DDAH1: variants seen among roughly 807,000 people sequenced by gnomAD.
DDAH1 encodes N(G),N(G)-dimethylarginine dimethylaminohydrolase 1.
Under a neutral mutation model 28.8 loss-of-function variants are expected in DDAH1, and 19 were observed. The ratio of observed to expected loss-of-function variants is 0.66; its 90% CI spans 0.46 to 0.97. DDAH1 has a LOEUF of 0.97. Among genes scored for constraint, DDAH1 ranks in the 50% least tolerant of loss-of-function variants. The pLI, the probability that DDAH1 is intolerant of heterozygous loss-of-function variation, is 0.00. For missense variants in DDAH1, 326 were observed against 375.9 expected, an observed-to-expected ratio of 0.87 and a Z score of 1.10; for synonymous variants, 153 against 154.4, an observed-to-expected ratio of 0.99 and a Z score of 0.07.
At position 85,533,880 on chromosome 1, in the gene DDAH1, T is replaced by C. The variant is rs1658176270; in HGVS notation, c.-122-37599A>G. On this transcript the variant is annotated intron_variant, in intron 1 of 6. Transcript: ENST00000426972. ...GTAAGTGTTCAATAACTGTTAGCTA[T>C]TAAAAGCAGAAAATGTCATTATGGC... 1.3e-5 allele frequency among the ~76,000 whole-genome samples: 2 copies of C among 152,218 alleles called. 1 individual carries two copies. Among genetic ancestry groups the C allele is most frequent in the African/African-American group, 4.8e-5 (2 of 41,452 alleles).
intron 1 of DDAH1, among the ~76,000 whole-genome samples, chr1:85,446,574 A>G (rs1654435977): frequency 6.6e-6 from 1 of 152,160 alleles, no homozygotes; most frequent in African/African-American, 2.4e-5. Context: ...TCCAAGTCCT[A>G]TCCTTTGGCA....
chr1:85,406,892 A>G (rs1425505640), intron 1 of DDAH1, among the ~76,000 whole-genome samples: 1 of 152,074 alleles, frequency 6.6e-6, no homozygotes, highest in Admixed American at 6.6e-5. Flanking sequence ...GCTATATTAC[A>G]AGGGTCTTTA....
chr1:85,566,502 A>G (rs1659308233), intron 1 of DDAH1, among the ~76,000 whole-genome samples: 1 of 151,726 alleles, frequency 6.6e-6, no homozygotes, highest in African/African-American at 2.4e-5. Context: ...AAAAAAAAAA[A>G]AAAAGAAAAG....
At chr1:85,383,183 A>C (rs3920521) in intron 1 of DDAH1, among the ~76,000 whole-genome samples, 60,539 of 152,112 alleles carry the variant, frequency 0.4, 12,257 homozygotes, top group South Asian at 0.59. Context: ...GGAAAGGATT[A>C]ATCATTCTAG....
At chr1:85,538,227 G>T (rs1224375938) in intron 1 of DDAH1, among the ~76,000 whole-genome samples, 10 of 152,152 alleles carry the variant, frequency 6.6e-5, no homozygotes, top group Admixed American at 5.9e-4. Context: ...AATTTAAGCT[G>T]GTTTTAGTGG....
intron 4 of DDAH1, among the ~76,000 whole-genome samples, chr1:85,342,623 G>C (rs1648574086): frequency 2.6e-5 from 4 of 152,118 alleles, no homozygotes. Flanking sequence ...AACCTAAGAA[G>C]TTTCTAGTTT....
At chr1:85,498,197 G>A (rs1012385641) in intron 1 of DDAH1, among the ~76,000 whole-genome samples, 11 of 152,148 alleles carry the variant, frequency 7.2e-5, no homozygotes, top group Non-Finnish European at 8.8e-5. Flanking sequence ...CTGAGGGATA[G>A]CCAACAGGAC....
At chr1:85,399,849 CCTTT>C (rs1457846039) in intron 1 of DDAH1, 1 of 152,042 alleles carries the variant, frequency 6.6e-6, no homozygotes, top group African/African-American at 2.4e-5. Context: ...TTTCCTTAGC[CCTTT>C]CTGTCTATAA....
At chr1:85,329,653 G>A (rs1647645044) in intron 4 of DDAH1, among the ~76,000 whole-genome samples, 1 of 152,290 alleles carries the variant, frequency 6.6e-6, no homozygotes, top group East Asian at 1.9e-4. Flanking sequence ...ATTCTACTGA[G>A]AGTTACTCTT....
intron 4 of DDAH1, among the ~76,000 whole-genome samples, chr1:85,330,552 C>T (rs902629290): frequency 1.3e-5 from 2 of 152,144 alleles, no homozygotes; most frequent in Admixed American, 6.5e-5. Flanking sequence ...ACCCTCCACA[C>T]GTCACCACAA....
chr1:85,370,158 T>C (rs1450460473), intron 1 of DDAH1, among the ~76,000 whole-genome samples: 1 of 152,172 alleles, frequency 6.6e-6, no homozygotes. Flanking sequence ...CCCTAATCCA[T>C]TATGACTGGT....
intron 1 of DDAH1, among the ~76,000 whole-genome samples, chr1:85,506,436 T>A (rs1366176077): frequency 6.6e-6 from 1 of 152,186 alleles, no homozygotes; most frequent in Non-Finnish European, 1.5e-5. Flanking sequence ...AGTATACAAA[T>A]CTTTATTTCT....
At chr1:85,506,129 A>C (rs1657009032) in intron 1 of DDAH1, among the ~76,000 whole-genome samples, 1 of 152,214 alleles carries the variant, frequency 6.6e-6, no homozygotes, top group Non-Finnish European at 1.5e-5. Flanking sequence ...GTAAAAATGA[A>C]TGGCTGAGGT....
At chr1:85,407,638 C>G (rs927947992) in intron 1 of DDAH1, among the ~76,000 whole-genome samples, 4 of 152,190 alleles carry the variant, frequency 2.6e-5, no homozygotes, top group Middle Eastern at 3.4e-3. Context: ...TAATGGTTTC[C>G]TATTCAATTT....
intron 1 of DDAH1, among the ~76,000 whole-genome samples, chr1:85,385,673 A>G (rs1415942858): frequency 6.6e-6 from 1 of 152,176 alleles, no homozygotes; most frequent in Non-Finnish European, 1.5e-5. Context: ...TGAATATAGG[A>G]TCTACCACTT....
At chr1:85,426,053 G>A (rs943139773) in intron 1 of DDAH1, among the ~76,000 whole-genome samples, 9 of 152,118 alleles carry the variant, frequency 5.9e-5, no homozygotes, top group African/African-American at 2.2e-4. Context: ...CTCTCTCATA[G>A]GATTGTTGCA....
intron 4 of DDAH1, among the ~76,000 whole-genome samples, chr1:85,335,124 G>A (rs767336650): frequency 6.6e-6 from 1 of 152,094 alleles, no homozygotes. Context: ...GCAAACACAC[G>A]AATGAGGAAG....
chr1:85,452,325 A>G (rs1654699050), intron 1 of DDAH1, among the ~76,000 whole-genome samples: 1 of 152,234 alleles, frequency 6.6e-6, no homozygotes, highest in Non-Finnish European at 1.5e-5. Context: ...GACAACAACA[A>G]CGACATAAAT....
intron 1 of DDAH1, among the ~76,000 whole-genome samples, chr1:85,414,752 T>C (rs1652811122): frequency 6.6e-6 from 1 of 152,172 alleles, no homozygotes; most frequent in Admixed American, 6.5e-5. Flanking sequence ...TTCTATTTTA[T>C]TGTTCTTTGA....
Sources: allele counts gnomAD v4.1 joint callset (sites outside exome capture counted in the v4.1 genomes callset), GRCh38; gene constraint gnomAD v4.1.1; transcripts MANE v1.5; gene names NCBI Gene and HGNC (gene_info 2026-07-23, HGNC 2026-07-21).